The following KLHL6 variants were observed in gnomAD, a reference collection of about 807,000 sequenced individuals.
KLHL6 encodes kelch like family member 6.
KLHL6 carries 41 observed loss-of-function variants against 58.6 expected under a neutral mutation model. The observed-to-expected ratio is 0.70, with a 90% confidence interval of 0.55 to 0.91. The LOEUF (loss-of-function observed/expected upper bound fraction) is 0.91, where lower values mean the gene tolerates loss of function less well. Among genes scored for constraint, KLHL6 ranks in the 40% least tolerant of loss-of-function variants. KLHL6 has a pLI of 0.00. For synonymous variants in KLHL6, 338 were observed against 322.7 expected (o/e 1.05, Z -0.51); for missense variants, 714 against 805.6 (o/e 0.89, Z 1.38).
intron 1 of KLHL6, among the ~76,000 whole-genome samples, chr3:183,543,871 C>T (rs1033271434): frequency 6.6e-6 from 1 of 152,034 alleles, no homozygotes; most frequent in Non-Finnish European, 1.5e-5. Context: ...TGTTTTAAAG[C>T]CGTAGCACCA....
chr3:183,502,520 A>G (rs185572762), intron 3 of KLHL6, among the ~76,000 whole-genome samples: 1 of 152,294 alleles, frequency 6.6e-6, no homozygotes, highest in Admixed American at 6.5e-5. Context: ...AAATTAGGCT[A>G]TAAAAGGCAC....
intron 1 of KLHL6, among the ~76,000 whole-genome samples, chr3:183,536,203 G>T (rs1337123363): frequency 6.6e-6 from 1 of 152,174 alleles, no homozygotes; most frequent in African/African-American, 2.4e-5. Context: ...AGGGGGGCAA[G>T]ACAAGGGGGG....
chr3:183,527,854 G>A lies in KLHL6; in HGVS notation c.450C>T (p.Asn150=). 6.2e-7 allele frequency: 1 copy of A among 1,613,938 alleles called. No individual in the cohort carries two copies. The highest frequency in any genetic ancestry group is 8.5e-7 in the Non-Finnish European group (1 of 1,179,968). ...QNVQRVLEAA[N]LFQFLRMVDA... is the part of the protein sequence containing the mutation. ...CAGTTTGTTCACACACCTGGAAGAGGTTAGCAGCCTCCAGGACCCGCTGGA... is the reference window on the plus strand; with the variant it reads ...CAGTTTGTTCACACACCTGGAAGAGATTAGCAGCCTCCAGGACCCGCTGGA... Residue 150 remains asparagine (N), a synonymous_variant, in exon 2 of 7, where the codon AAC becomes AAT. Transcript: ENST00000341319.
chr3:183,527,848 G>C lies in KLHL6; in HGVS notation c.456C>G (p.Phe152Leu). The C allele has an allele frequency of 6.2e-7, 1 of 1,613,928 alleles. No homozygotes were observed. Among genetic ancestry groups the C allele is most frequent in the Non-Finnish European group, 8.5e-7 (1 of 1,179,934 alleles). Residue 152 changes from phenylalanine (F) to leucine (L), a missense_variant, in exon 2 of 7, where the codon TTC (phenylalanine) becomes TTG (leucine). This residue lies in a region of KLHL6 where 510 missense variants were observed against 629.7 expected (regional missense o/e 0.81). Coordinates refer to ENST00000341319, the MANE Select transcript of KLHL6 (RefSeq NM_130446.4). ...CTGAGCCAGTTTGTTCACACACCTG[G>C]AAGAGGTTAGCAGCCTCCAGGACCC... ...VQRVLEAANL[F>L]QFLRMVDACA...
chr3:183,498,156 C>T (rs946350579), intron 4 of KLHL6, among the ~76,000 whole-genome samples: 8 of 152,164 alleles, frequency 5.3e-5, no homozygotes, highest in Non-Finnish European at 1.0e-4. Context: ...ATCATTTGAA[C>T]CCAGGAGGCA....
intron 3 of KLHL6, among the ~76,000 whole-genome samples, chr3:183,500,448 C>T (rs183088838): frequency 1.3e-5 from 2 of 152,088 alleles, no homozygotes; most frequent in East Asian, 3.9e-4. Context: ...GTATTTGAAC[C>T]CTGCTGAAAG....
At chr3:183,503,024 C>T (rs1347418039) in intron 3 of KLHL6, among the ~76,000 whole-genome samples, 1 of 152,200 alleles carries the variant, frequency 6.6e-6, no homozygotes, top group Non-Finnish European at 1.5e-5. Flanking sequence ...ACCCCAAAGC[C>T]ATGACAAATG....
rs56357226 is a variant in KLHL6, at chr3:183,544,163, C to CAAA, written c.293+11195_293+11197dup. Among the ~76,000 whole-genome samples, 493 of 56,870 alleles carry CAAA rather than the reference C, an allele frequency of 8.7e-3. 25 individuals carry two copies. Among genetic ancestry groups the CAAA allele is most frequent in the African/African-American group, 0.027 (451 of 16,680 alleles). 37.3% of individuals were successfully genotyped at this position (56,870 alleles called of 152,430 possible). A position where few individuals can be genotyped will look rare whatever the true frequency, so the allele number is the denominator to read the frequency against. ...GGGCGACAAGAGCGAAACTCAGTCTCAAAAAAAAAAAAAAAAAAAAAAAAG... is the reference window on the plus strand; with the variant it reads ...GGGCGACAAGAGCGAAACTCAGTCTCAAAAAAAAAAAAAAAAAAAAAAAAAAAG... On this transcript the variant is annotated intron_variant, in intron 1 of 6. Transcript: ENST00000341319.
Position 183,500,352 on chromosome 3 carries a change from G to A in KLHL6, c.910-525C>T, listed in dbSNP as rs190528122. Among the ~76,000 whole-genome samples the A allele has an allele frequency of 2.1e-4, 32 of 152,338 alleles. No individual in the cohort carries two copies. In the East Asian group the frequency reaches 2.1e-3, roughly 10 times the overall value. On this transcript the variant is annotated intron_variant, in intron 3 of 6. Transcript: ENST00000341319. ...AACAAGAACTAGAAGGAATCAGGGT[G>A]TGGCCAGGGAGGGAGGAAGGCTGGT... is the stretch of plus-strand genomic sequence containing the variant.
intron 3 of KLHL6, among the ~76,000 whole-genome samples, chr3:183,507,285 T>G (rs1577181861): frequency 6.6e-6 from 1 of 152,080 alleles, no homozygotes; most frequent in Middle Eastern, 3.4e-3. Flanking sequence ...TTCCAGAAAT[T>G]CAGATGGTGA....
At position 183,534,395 on chromosome 3, in the gene KLHL6, C is replaced by T. The variant is rs1408771618; in HGVS notation, c.294-6385G>A. 2.6e-5 allele frequency among the ~76,000 whole-genome samples: 4 copies of T among 151,524 alleles called. No homozygotes were observed. The East Asian group carries it at 7.7e-4, about 29-fold the overall frequency. The stretch of plus-strand genomic sequence containing the variant: ...AGCATTTTACAGTTTCTAGTCACCA[C>T]ATTTTTTGTTTGTTTGTTTGTTTTT... On this transcript the variant is annotated intron_variant, in intron 1 of 6. Transcript: ENST00000341319.
At chr3:183,505,883 A>G (rs1717987755) in intron 3 of KLHL6, among the ~76,000 whole-genome samples, 1 of 152,262 alleles carries the variant, frequency 6.6e-6, no homozygotes, top group South Asian at 2.1e-4. Context: ...AAAGAGATAT[A>G]CATTATAGTT....
intron 2 of KLHL6, among the ~76,000 whole-genome samples, chr3:183,518,982 G>C (rs150166877): frequency 3.4e-4 from 52 of 152,314 alleles, no homozygotes; most frequent in African/African-American, 1.2e-3. Context: ...GAGTGAGGGG[G>C]ATGCTAAACG....
chr3:183,532,034 T>C (rs1712180417), intron 1 of KLHL6, among the ~76,000 whole-genome samples: 1 of 152,236 alleles, frequency 6.6e-6, no homozygotes, highest in Non-Finnish European at 1.5e-5. Flanking sequence ...GGGGGCCAAG[T>C]ATGGAATGTC....
In KLHL6 at chr3:183,499,753, C is replaced by T. The variant is rs369003292; in HGVS notation, c.984G>A (p.Thr328=). The T allele has an allele frequency of 1.8e-5, 29 of 1,609,672 alleles. No homozygotes were observed. Among genetic ancestry groups the T allele is most frequent in the East Asian group, 2.2e-5 (1 of 44,782 alleles). Reference sequence around the variant, plus strand: ...CCTCTGCCACAAACCGTTCATCCTTCGTGCAGCCGCCAATGATCATGAACA... The same window carrying T: ...CCTCTGCCACAAACCGTTCATCCTTTGTGCAGCCGCCAATGATCATGAACA... The part of the protein sequence containing the change: ...SEVFMIIGGC[T]KDERFVAEVT... Residue 328 remains threonine, a synonymous_variant, in exon 4 of 7, where the codon ACG becomes ACA. Transcript: ENST00000341319. The surrounding 1 kb of genome is among the most constrained non-coding windows in gnomAD (Gnocchi z 4.6).
In KLHL6 at chr3:183,492,459, TA is replaced by T; in HGVS notation, c.1564+34del. The T allele has an allele frequency of 6.2e-7, 1 of 1,609,528 alleles. No homozygotes were observed. Among genetic ancestry groups the T allele is most frequent in the South Asian group, 1.1e-5 (1 of 90,912 alleles). ...CTGCAGCCAGGCGCTCATCAGGTTC[TA>T]AGCCATTCAGACCAATAAGAAGCCA... On this transcript the variant is annotated intron_variant, in intron 6 of 6. Transcript: ENST00000341319. The surrounding 1 kb of genome is among the most constrained non-coding windows in gnomAD (Gnocchi z 5.9).
intron 3 of KLHL6, among the ~76,000 whole-genome samples, chr3:183,504,872 A>G (rs748596447): frequency 6.6e-6 from 1 of 152,112 alleles, no homozygotes; most frequent in Non-Finnish European, 1.5e-5. Context: ...TCTACCCTCA[A>G]GTAGGCCCTG....
intron 1 of KLHL6, among the ~76,000 whole-genome samples, chr3:183,536,230 ACAAAAGTCATG>A (rs539570810): frequency 2.0e-5 from 3 of 152,192 alleles, no homozygotes; most frequent in Non-Finnish European, 4.4e-5. Context: ...GCCCAGCAAG[ACAAAAGTCATG>A]CAAAAAGTGG....
intron 2 of KLHL6, chr3:183,520,237 T>G (rs1435563274): frequency 6.6e-6 from 1 of 152,100 alleles, no homozygotes; most frequent in Non-Finnish European, 1.5e-5. Context: ...TTTTACTAAA[T>G]GCAAGTTATA....
Sources: allele counts gnomAD v4.1 joint callset (sites outside exome capture counted in the v4.1 genomes callset), GRCh38; gene constraint gnomAD v4.1.1; regional missense constraint gnomAD v4.1.1; non-coding constraint Gnocchi (gnomAD v3.1); transcripts MANE v1.5; gene names NCBI Gene and HGNC (gene_info 2026-07-23, HGNC 2026-07-21).